The following CTDSP1 variants were observed in gnomAD, a reference collection of about 807,000 sequenced individuals.
The protein encoded by CTDSP1 is carboxy-terminal domain RNA polymerase II polypeptide A small phosphatase 1.
In CTDSP1, 15 loss-of-function variants were observed where a neutral mutation model predicts 32.5. The ratio of observed to expected loss-of-function variants is 0.46; its 90% CI spans 0.31 to 0.71. The LOEUF (loss-of-function observed/expected upper bound fraction) is 0.71. CTDSP1 is among the 30% of genes least tolerant of loss of function. CTDSP1 has a pLI of 0.05. For synonymous variants in CTDSP1, 185 were observed against 145.4 expected (o/e 1.27, Z -1.96); for missense variants, 294 against 351.1 (o/e 0.84, Z 1.30).
At chr2:218,398,811 C>G (rs974557016), upstream of CTDSP1, 1 of 185,310 alleles carries the variant, frequency 5.4e-6, no homozygotes, top group Non-Finnish European at 1.1e-5. Flanking sequence ...AAAAGAACTT[C>G]ATAAACGAGG....
Position 218,404,642 on chromosome 2 carries a change from A to T in CTDSP1, c.*217A>T. 1 of 526,104 alleles carries T rather than the reference A, an allele frequency of 1.9e-6. No homozygotes were observed. Among genetic ancestry groups the T allele is most frequent in the Non-Finnish European group, 3.3e-6 (1 of 300,564 alleles). The allele number at this position is 526,104 out of a possible 1,614,324, so 32.6% of individuals were successfully genotyped here. A position where few individuals can be genotyped will look rare whatever the true frequency, so the allele number is the denominator to read the frequency against. Reference sequence around the variant, plus strand: ...CCAGGCCCCGTGTCAGTGCCTTCAAACCTCCTCCCCTATTCTCAGGGGACC... The same window carrying T: ...CCAGGCCCCGTGTCAGTGCCTTCAATCCTCCTCCCCTATTCTCAGGGGACC... On this transcript the variant is annotated 3_prime_UTR_variant, in exon 7 of 7. Transcript: ENST00000273062.
At chr2:218,403,002 G>A (rs1162574153) in intron 4 of CTDSP1, 33 bp from the exon 5 acceptor site, 2 of 1,550,558 alleles carry the variant, frequency 1.3e-6, no homozygotes, top group Non-Finnish European at 1.8e-6. Context: ...CTGCCCCACT[G>A]GCCCGCAGCC....
Position 218,404,450 on chromosome 2 carries a change from C to T in CTDSP1, c.*25C>T. 1 of 1,612,560 alleles carries T rather than the reference C, an allele frequency of 6.2e-7. No homozygotes were observed. The highest frequency in any genetic ancestry group is 8.5e-7 in the Non-Finnish European group (1 of 1,179,316). On this transcript the variant is annotated 3_prime_UTR_variant, in exon 7 of 7. Coordinates refer to ENST00000273062, the MANE Select transcript of CTDSP1 (RefSeq NM_021198.3). ...GTGAGGGTGATGGGGCCAGGACCTGCCCCTGACCAATGATACCCACACCTC... is the reference window on the plus strand; with the variant it reads ...GTGAGGGTGATGGGGCCAGGACCTGTCCCTGACCAATGATACCCACACCTC...
At chr2:218,402,569 CTT>C (rs914711293) in intron 4 of CTDSP1, 164 bp downstream of exon 4, 1 of 794,730 alleles carries the variant, frequency 1.3e-6, no homozygotes, top group African/African-American at 1.7e-5. Context: ...ACCTCAAGGG[CTT>C]GTGCTGACTC....
intron 1 of CTDSP1, chr2:218,401,304 T>A (rs1195366172): frequency 3.7e-6 from 2 of 543,956 alleles, no homozygotes; most frequent in African/African-American, 1.9e-5. Flanking sequence ...CCCCAGGACC[T>A]CCTTCTCCAG....
upstream of CTDSP1, among the ~76,000 whole-genome samples, chr2:218,397,766 C>A (rs994120611): frequency 2.6e-5 from 4 of 152,204 alleles, no homozygotes; most frequent in African/African-American, 9.7e-5. Flanking sequence ...CCTCCCCCCA[C>A]GCAATCCTGG....
intron 3 of CTDSP1, 53 bp downstream of exon 3, chr2:218,402,268 C>G: frequency 1.2e-6 from 2 of 1,610,860 alleles, no homozygotes; most frequent in African/African-American, 1.3e-5. Context: ...ATCCCCCACC[C>G]TGGCCTGGGA....
intron 4 of CTDSP1, chr2:218,402,713 CG>C: frequency 1.3e-6 from 1 of 759,808 alleles, no homozygotes; most frequent in Non-Finnish European, 2.5e-6. Context: ...TTACTTGGCT[CG>C]GGGACCGGTG....
rs1012429643 is a variant in CTDSP1, at chr2:218,400,118, A to T, written c.28A>T (p.Ile10Phe). Reference sequence around the variant, plus strand: ...GGACAGCTCGGCCGTCATTACTCAGATCAGCAAGGAGGAGGCTCGGGGCCC... The same window carrying T: ...GGACAGCTCGGCCGTCATTACTCAGTTCAGCAAGGAGGAGGCTCGGGGCCC... MDSSAVITQ[I>F]SKEEARGPLR... Residue 10 changes from isoleucine (I) to phenylalanine (F), a missense_variant, in exon 1 of 7, where the codon ATC (isoleucine) becomes TTC (phenylalanine). Around this residue, in one of 2 missense-constraint regions of CTDSP1, gnomAD observed 148 missense variants for 113.3 expected, o/e 1.31. Transcript: ENST00000273062. 6.5e-7 allele frequency: 1 copy of T among 1,544,874 alleles called. No individual in the cohort carries two copies. Among genetic ancestry groups the T allele is most frequent in the South Asian group, 1.2e-5 (1 of 83,644 alleles).
chr2:218,402,849 GA>G, intron 4 of CTDSP1, 185 bp from the exon 5 acceptor site: 1 of 664,492 alleles, frequency 1.5e-6, no homozygotes, highest in East Asian at 2.7e-5. Context: ...TGGAAGTTTT[GA>G]TCGTTTTCTG....
upstream of CTDSP1, chr2:218,399,091 G>C (rs750915758): frequency 6.6e-6 from 1 of 152,290 alleles, no homozygotes; most frequent in African/African-American, 2.4e-5. Context: ...AGGGGAGGGG[G>C]TCTGGGAAGG....
chr2:218,398,331 G>C (rs1574789789), upstream of CTDSP1: 5 of 1,278,376 alleles, frequency 3.9e-6, no homozygotes, highest in Admixed American at 5.9e-5. Flanking sequence ...CCGTTCTAAG[G>C]GGTAAATGAG....
intron 4 of CTDSP1, 147 bp downstream of exon 4, chr2:218,402,552 A>G (rs1428888790): frequency 2.3e-6 from 2 of 858,118 alleles, no homozygotes; most frequent in East Asian, 2.5e-5. Context: ...TCCCAAAGTC[A>G]CACAGAACCT....
chr2:218,400,916 G>A (rs1402186204), intron 1 of CTDSP1: 4 of 456,144 alleles, frequency 8.8e-6, no homozygotes, highest in South Asian at 4.6e-5. Flanking sequence ...ACCCTCGCCT[G>A]GGTCTGGCTG....
Position 218,401,596 on chromosome 2 carries a change from C to T in CTDSP1, c.100C>T (p.Arg34Ter). The T allele has an allele frequency of 6.2e-7, 1 of 1,613,942 alleles. No individual in the cohort carries two copies. The highest frequency in any genetic ancestry group is 8.5e-7 in the Non-Finnish European group (1 of 1,179,956). Residue 34 changes from arginine to a stop codon, truncating the protein, a stop_gained, in exon 2 of 7, where the codon CGA (arginine) becomes TGA (stop). Coordinates refer to ENST00000273062, the MANE Select transcript of CTDSP1 (RefSeq NM_021198.3). LOFTEE classifies it high-confidence loss of function. ...GAAGTCAGCAGCTTCCCAGAAGCCC[C>T]GAAGCCGGGGCATCCTCCACTCACT... ...DQKSAASQKPRSRGILHSLFC... is the reference protein window; with the variant it reads ...DQKSAASQKP
chr2:218,402,231 C>A lies in CTDSP1; in HGVS notation c.321+16C>A. On this transcript the variant is annotated intron_variant, in intron 3 of 6. Coordinates refer to ENST00000273062, the MANE Select transcript of CTDSP1 (RefSeq NM_021198.3). ...CTCCTTCAAGGTGGGCCCTGCTCAACAGCCCTCAGCCCGGGTCTCGGGGGG... is the reference window on the plus strand; with the variant it reads ...CTCCTTCAAGGTGGGCCCTGCTCAAAAGCCCTCAGCCCGGGTCTCGGGGGG... 2 of 1,612,344 alleles carry A rather than the reference C, an allele frequency of 1.2e-6. No individual in the cohort carries two copies. The highest frequency in any genetic ancestry group is 1.7e-6 in the Non-Finnish European group (2 of 1,178,666).
At chr2:218,403,548 T>C (rs1481157885) in intron 6 of CTDSP1, 131 bp downstream of exon 6, 3 of 733,358 alleles carry the variant, frequency 4.1e-6, no homozygotes, top group Non-Finnish European at 6.5e-6. Flanking sequence ...CTGCATTCAT[T>C]GCCTGTGCCT....
At chr2:218,401,075 C>G in intron 1 of CTDSP1, 1 of 390,908 alleles carries the variant, frequency 2.6e-6, no homozygotes, top group South Asian at 1.8e-5. Context: ...ACACTGGCCC[C>G]AGGCCGCGGG....
chr2:218,400,061 G>A lies in CTDSP1; in HGVS notation c.-30G>A, dbSNP rs1697032054. ...GGGGAGGCCGGGCGCCCGGGCCAGA[G>A]TCCGGCCGGAGCGGAGCGCGCCCGG... On this transcript the variant is annotated 5_prime_UTR_variant, in exon 1 of 7. Coordinates refer to ENST00000273062, the MANE Select transcript of CTDSP1 (RefSeq NM_021198.3). 7.2e-7 allele frequency: 1 copy of A among 1,391,880 alleles called. No individual in the cohort carries two copies. Among genetic ancestry groups the A allele is most frequent in the East Asian group, 3.1e-5 (1 of 32,484 alleles). 86.2% of individuals were successfully genotyped at this position (1,391,880 alleles called of 1,614,324 possible).
Sources: allele counts gnomAD v4.1 joint callset (sites outside exome capture counted in the v4.1 genomes callset), GRCh38; gene constraint gnomAD v4.1.1; regional missense constraint gnomAD v4.1.1; transcripts MANE v1.5; gene names NCBI Gene and HGNC (gene_info 2026-07-23, HGNC 2026-07-21).